LSAMP: variants seen among roughly 807,000 people sequenced by gnomAD.
The protein encoded by LSAMP is limbic system associated membrane protein, also known as limbic system-associated membrane protein.
LSAMP carries 7 observed loss-of-function variants against 38.6 expected under a neutral mutation model. The ratio of observed to expected loss-of-function variants is 0.18; its 90% CI spans 0.10 to 0.34. The LOEUF is 0.34. Ranked by LOEUF, LSAMP falls within the 10% of genes least tolerant of loss-of-function variation. The probability of loss-of-function intolerance (pLI) is 1.00; values close to 1 mark genes in which losing one functional copy is unlikely to be tolerated. For synonymous variants in LSAMP, 154 were observed against 166.8 expected (o/e 0.92, Z 0.59); for missense variants, 313 against 420.0 (o/e 0.75, Z 2.23).
intron 1 of LSAMP, among the ~76,000 whole-genome samples, chr3:116,210,999 C>G (rs2046149348): frequency 1.3e-5 from 2 of 150,838 alleles, no homozygotes; most frequent in South Asian, 4.2e-4. Flanking sequence ...ACTACTCAAC[C>G]TTAAAAAAAA....
Position 116,445,401 on chromosome 3 carries a change from G to T in LSAMP, c.-370C>A. On this transcript the variant is annotated 5_prime_UTR_variant, in exon 1 of 7. Transcript: ENST00000490035. ...TGTCTGAGCTGAGCTCCTTCGCTCTGTAACCCACTTTCCCAGGCTGGCGGG... is the reference window on the plus strand; with the variant it reads ...TGTCTGAGCTGAGCTCCTTCGCTCTTTAACCCACTTTCCCAGGCTGGCGGG... 8 of 373,666 alleles carry T rather than the reference G, an allele frequency of 2.1e-5. No individual in the cohort carries two copies. Among genetic ancestry groups the T allele is most frequent in the Non-Finnish European group, 2.8e-5 (6 of 210,868 alleles). 23.1% of individuals were successfully genotyped at this position (373,666 alleles called of 1,614,324 possible).
At chr3:116,185,346 T>A (rs1234203714) in intron 1 of LSAMP, among the ~76,000 whole-genome samples, 1 of 152,066 alleles carries the variant, frequency 6.6e-6, no homozygotes, top group East Asian at 1.9e-4. Flanking sequence ...CTCTTAACCC[T>A]GAATATTGAT....
intron 3 of LSAMP, among the ~76,000 whole-genome samples, chr3:115,965,838 C>T (rs993441794): frequency 3.9e-5 from 6 of 151,914 alleles, no homozygotes; most frequent in African/African-American, 1.5e-4. Flanking sequence ...TTTTGACAAA[C>T]CTTTAAAAGG....
chr3:116,357,879 C>T (rs1482856743), intron 1 of LSAMP, among the ~76,000 whole-genome samples: 1 of 150,060 alleles, frequency 6.7e-6, no homozygotes, highest in Non-Finnish European at 1.5e-5. Flanking sequence ...AACAATAAAA[C>T]TGACTTGTTT....
intron 1 of LSAMP, among the ~76,000 whole-genome samples, chr3:116,139,036 A>G (rs1261176505): frequency 1.3e-5 from 2 of 151,834 alleles, no homozygotes; most frequent in Non-Finnish European, 2.9e-5. Context: ...TATGCACATT[A>G]CATATGTATA....
intron 1 of LSAMP, among the ~76,000 whole-genome samples, chr3:116,186,789 C>T (rs1710629199): frequency 6.6e-6 from 1 of 152,112 alleles, no homozygotes; most frequent in Admixed American, 6.6e-5. Flanking sequence ...TACTTTTACT[C>T]CTTCCCTCTG....
intron 3 of LSAMP, among the ~76,000 whole-genome samples, chr3:115,866,569 T>C (rs1935867308): frequency 1.3e-5 from 2 of 152,180 alleles, no homozygotes; most frequent in South Asian, 4.1e-4. Flanking sequence ...GCTACTGACC[T>C]TCTCAAGTGT....
At chr3:116,256,163 C>T (rs562558981) in intron 1 of LSAMP, among the ~76,000 whole-genome samples, 50 of 152,136 alleles carry the variant, frequency 3.3e-4, no homozygotes, top group Non-Finnish European at 6.3e-4. Flanking sequence ...AAATTAATTA[C>T]GAAATTGTAT....
chr3:116,411,102 C>T (rs1003197792), intron 1 of LSAMP, among the ~76,000 whole-genome samples: 8 of 152,034 alleles, frequency 5.3e-5, no homozygotes, highest in Admixed American at 3.3e-4. Flanking sequence ...GTTAGAATGG[C>T]AATCATTAAA....
At chr3:116,075,394 C>G (rs1313514597) in intron 2 of LSAMP, among the ~76,000 whole-genome samples, 1 of 150,512 alleles carries the variant, frequency 6.6e-6, no homozygotes, top group Non-Finnish European at 1.5e-5. Flanking sequence ...CCTCAGCCTC[C>G]CAAAGTGCTG....
intron 3 of LSAMP, among the ~76,000 whole-genome samples, chr3:115,861,357 A>G (rs1333198274): frequency 6.6e-6 from 1 of 152,040 alleles, no homozygotes; most frequent in Non-Finnish European, 1.5e-5. Context: ...TATTTTGATG[A>G]GCCTTCCTGT....
intron 1 of LSAMP, among the ~76,000 whole-genome samples, chr3:116,382,032 G>A (rs894726878): frequency 1.3e-5 from 2 of 152,104 alleles, no homozygotes; most frequent in African/African-American, 4.8e-5. Flanking sequence ...GAGAGGATGT[G>A]GAGAAACAGG....
rs541550394 is a variant in LSAMP at position 116,232,036 on chromosome 3, A to C, written c.156-145480T>G. ...CTGTTGTATTTTCAACCAGAAACGTATTTCTACAACTTATAAATGGGAATA... is the reference window on the plus strand; with the variant it reads ...CTGTTGTATTTTCAACCAGAAACGTCTTTCTACAACTTATAAATGGGAATA... On this transcript the variant is annotated intron_variant, in intron 1 of 6. Transcript: ENST00000490035. 4.6e-5 allele frequency among the ~76,000 whole-genome samples: 7 copies of C among 152,324 alleles called. No homozygotes were observed. The South Asian group carries it at 1.5e-3, about 32-fold the overall frequency.
intron 1 of LSAMP, among the ~76,000 whole-genome samples, chr3:116,244,256 T>G (rs1433213425): frequency 6.6e-6 from 1 of 152,192 alleles, no homozygotes; most frequent in African/African-American, 2.4e-5. Context: ...ATCAGGCTCT[T>G]TCTTTGAAAT....
intron 1 of LSAMP, among the ~76,000 whole-genome samples, chr3:116,155,420 G>T (rs1047984310): frequency 6.6e-6 from 1 of 151,896 alleles, no homozygotes; most frequent in Admixed American, 6.6e-5. Context: ...TAGAGATGGG[G>T]TTTCACCATG....
intron 3 of LSAMP, among the ~76,000 whole-genome samples, chr3:115,916,960 T>C (rs763736261): frequency 1.3e-5 from 2 of 152,234 alleles, no homozygotes; most frequent in Non-Finnish European, 2.9e-5. Context: ...TTCATTTTTC[T>C]ATGAATGAGA....
chr3:116,008,494 A>G (rs529159975), intron 3 of LSAMP, among the ~76,000 whole-genome samples: 3 of 152,300 alleles, frequency 2.0e-5, no homozygotes, highest in African/African-American at 7.2e-5. Context: ...TTGCAGATAA[A>G]GCTATTATAA....
intron 3 of LSAMP, among the ~76,000 whole-genome samples, chr3:115,859,226 G>C (rs963999570): frequency 2.4e-4 from 37 of 152,258 alleles, no homozygotes; most frequent in Non-Finnish European, 1.2e-4. Context: ...TGGAAGGGAG[G>C]GGTGAAGAGT....
chr3:116,313,053 G>A (rs1464358803), intron 1 of LSAMP, among the ~76,000 whole-genome samples: 1 of 152,176 alleles, frequency 6.6e-6, no homozygotes, highest in African/African-American at 2.4e-5. Flanking sequence ...AAAACATTCT[G>A]ATGAAGACCC....
Sources: gnomAD v4.1 joint callset for allele counts (sites outside exome capture counted in the v4.1 genomes callset) on GRCh38, gnomAD v4.1.1 for gene constraint, MANE v1.5 for transcripts, NCBI Gene and HGNC (gene_info 2026-07-23, HGNC 2026-07-21) for gene names.